Variants in ASTN2 observed in about 807,000 individuals in gnomAD.
ASTN2 encodes astrotactin-2.
A neutral mutation model predicts 139.8 loss-of-function variants in ASTN2; 54 were observed. That is an observed-to-expected ratio of 0.39 (90% CI 0.31 to 0.48). ASTN2 has a LOEUF of 0.48. Ranked by LOEUF, ASTN2 falls within the 20% of genes least tolerant of loss-of-function variation. The pLI is 0.95. For synonymous variants in ASTN2, 756 were observed against 719.5 expected (o/e 1.05, Z -0.81); for missense variants, 1,565 against 1,725.1 (o/e 0.91, Z 1.64).
rs573856975 is a variant in ASTN2 at position 117,168,395 on chromosome 9, T to C, written c.1016-26917A>G. On this transcript the variant is annotated intron_variant, in intron 3 of 22. Transcript: ENST00000313400. ...ATGACCTACGGTCACACACCTTTGA[T>C]GAAGTATGAGAGTTTTTAACTTACA... Among the ~76,000 whole-genome samples the C allele has an allele frequency of 2.0e-5, 3 of 152,204 alleles. No homozygotes were observed. The East Asian group carries it at 5.8e-4, about 30-fold the overall frequency.
chr9:117,287,057 T>C (rs1834467460), intron 2 of ASTN2, among the ~76,000 whole-genome samples: 1 of 152,136 alleles, frequency 6.6e-6, no homozygotes, highest in Admixed American at 6.5e-5. Context: ...CAACATTACT[T>C]ATCATATAGA....
intron 19 of ASTN2, among the ~76,000 whole-genome samples, chr9:116,589,046 G>A (rs1004885728): frequency 4.6e-5 from 7 of 152,102 alleles, no homozygotes; most frequent in Non-Finnish European, 7.4e-5. Flanking sequence ...TAGCAAATAC[G>A]TATTCAGTGT....
chr9:116,474,550 A>G (rs1848917731), intron 20 of ASTN2, among the ~76,000 whole-genome samples: 1 of 152,164 alleles, frequency 6.6e-6, no homozygotes, highest in South Asian at 2.1e-4. Context: ...CTTTCCAGTG[A>G]TGACTCAAGA....
intron 12 of ASTN2, among the ~76,000 whole-genome samples, chr9:116,813,510 C>A (rs1027126538): frequency 5.9e-5 from 9 of 152,272 alleles, no homozygotes; most frequent in Admixed American, 3.9e-4. Flanking sequence ...GTGCTCCTTC[C>A]AGTTAATTAC....
At chr9:116,539,690 G>C (rs1254747651) in intron 19 of ASTN2, among the ~76,000 whole-genome samples, 3 of 152,122 alleles carry the variant, frequency 2.0e-5, no homozygotes, top group Non-Finnish European at 4.4e-5. Flanking sequence ...GTGACTAACG[G>C]GTGTATACGC....
intron 1 of ASTN2, among the ~76,000 whole-genome samples, chr9:117,398,360 T>C (rs955918501): frequency 4.0e-4 from 61 of 152,308 alleles, no homozygotes; most frequent in African/African-American, 1.5e-3. Flanking sequence ...CATAGTGCCA[T>C]CCTTCTAAAA....
intron 19 of ASTN2, among the ~76,000 whole-genome samples, chr9:116,576,394 A>G (rs1853723288): frequency 6.6e-6 from 1 of 152,184 alleles, no homozygotes; most frequent in African/African-American, 2.4e-5. Context: ...AGTAGCTGGA[A>G]TTCAAACTCA....
chr9:116,528,995 A>G (rs2119274979), intron 19 of ASTN2, among the ~76,000 whole-genome samples: 1 of 152,304 alleles, frequency 6.6e-6, no homozygotes, highest in Admixed American at 6.5e-5. Context: ...AACCTCTACT[A>G]AGGCAATGCA....
At position 116,863,742 on chromosome 9, in the gene ASTN2, G is replaced by A. The variant is rs970400011; in HGVS notation, c.1890-9C>T. The A allele has an allele frequency of 5.6e-6, 9 of 1,606,558 alleles. No homozygotes were observed. The highest frequency in any genetic ancestry group is 3.3e-4 in the Middle Eastern group (2 of 6,020). Reference sequence around the variant, plus strand: ...ACAGCATCGCTTCTTCCCTTGGAGAGAAAGGGGATGGTTAAACCCCAGAGA... The same window carrying A: ...ACAGCATCGCTTCTTCCCTTGGAGAAAAAGGGGATGGTTAAACCCCAGAGA... On this transcript the variant is annotated splice_polypyrimidine_tract_variant and intron_variant, in intron 10 of 22. Coordinates refer to ENST00000313400, the MANE Select transcript of ASTN2 (RefSeq NM_001365068.1).
In ASTN2 at chr9:116,991,585, T is replaced by C. The variant is rs1461607459; in HGVS notation, c.1592-14800A>G. Among the ~76,000 whole-genome samples the C allele has an allele frequency of 1.7e-4, 15 of 88,956 alleles. No individual in the cohort carries two copies. The South Asian group carries it at 8.3e-3, about 49-fold the overall frequency. The allele number at this position is 88,956 out of a possible 152,430, so 58.4% of individuals were successfully genotyped here. A position where few individuals can be genotyped will look rare whatever the true frequency, so the allele number is the denominator to read the frequency against. On this transcript the variant is annotated intron_variant, in intron 7 of 22. Coordinates refer to ENST00000313400, the MANE Select transcript of ASTN2 (RefSeq NM_001365068.1). ...CAAAGGTGAATACTTCTCCCTCTTA[T>C]TAAAAAAAAAAAAAAAAGCAGAAAA...
In ASTN2 at chr9:116,597,299, A is replaced by ATTTTTGTTTTTTTTTTTTTTTT. The variant is rs1554718677; in HGVS notation, c.3355+21024_3355+21025insAAAAAAAAAAAAAAAACAAAAA. Among the ~76,000 whole-genome samples the ATTTTTGTTTTTTTTTTTTTTTT allele has an allele frequency of 1.8e-3, 134 of 75,518 alleles. 22 individuals are homozygous for ATTTTTGTTTTTTTTTTTTTTTT. The highest frequency in any genetic ancestry group is 3.9e-3 in the East Asian group (8 of 2,052). 49.5% of individuals were successfully genotyped at this position (75,518 alleles called of 152,430 possible). ...CAAAATATTCCATGACTTTTGATCTATTTTTTTTTTTTTTTTTTTTTTTTG... is the reference window on the plus strand; with the variant it reads ...CAAAATATTCCATGACTTTTGATCTATTTTTGTTTTTTTTTTTTTTTTTTTTTTTTTTTTTTTTTTTTTTTTG... On this transcript the variant is annotated intron_variant, in intron 19 of 22. Transcript: ENST00000313400.
At chr9:116,730,588 G>C (rs1828750609) in intron 14 of ASTN2, among the ~76,000 whole-genome samples, 1 of 152,124 alleles carries the variant, frequency 6.6e-6, no homozygotes, top group Non-Finnish European at 1.5e-5. Context: ...TTGACTAAGG[G>C]CAGAGAAAAT....
chr9:117,100,933 CT>C (rs1158357957), intron 4 of ASTN2, among the ~76,000 whole-genome samples: 3 of 152,160 alleles, frequency 2.0e-5, no homozygotes, highest in African/African-American at 7.2e-5. Flanking sequence ...AGTTCTAGTT[CT>C]TTGATTCACT....
intron 3 of ASTN2, among the ~76,000 whole-genome samples, chr9:117,204,528 G>A (rs1444324652): frequency 6.8e-6 from 1 of 147,626 alleles, no homozygotes; most frequent in South Asian, 2.1e-4. Flanking sequence ...CAGACAGAAA[G>A]AGAAACTGAT....
At chr9:117,062,424 A>G (rs1215425181) in intron 5 of ASTN2, among the ~76,000 whole-genome samples, 4 of 152,314 alleles carry the variant, frequency 2.6e-5, no homozygotes, top group African/African-American at 9.6e-5. Context: ...AGAATTCCCT[A>G]TGAGACATGT....
At chr9:117,048,168 A>C (rs1045000482) in intron 5 of ASTN2, among the ~76,000 whole-genome samples, 1 of 152,094 alleles carries the variant, frequency 6.6e-6, no homozygotes, top group African/African-American at 2.4e-5. Flanking sequence ...AGAAGCAACA[A>C]ATTTAACTGC....
At chr9:117,376,803 C>T (rs1466059336) in intron 1 of ASTN2, among the ~76,000 whole-genome samples, 2 of 152,200 alleles carry the variant, frequency 1.3e-5, no homozygotes, top group African/African-American at 4.8e-5. Context: ...GCATCTAGCA[C>T]ATCATAGGAG....
intron 4 of ASTN2, among the ~76,000 whole-genome samples, chr9:117,103,902 TA>T (rs1381600288): frequency 6.6e-6 from 1 of 152,312 alleles, no homozygotes; most frequent in African/African-American, 2.4e-5. Context: ...GCTCTAGAGC[TA>T]AACCACAAAT....
chr9:117,146,141 C>T (rs114253512), intron 3 of ASTN2, among the ~76,000 whole-genome samples: 99 of 152,200 alleles, frequency 6.5e-4, no homozygotes, highest in African/African-American at 2.3e-3. Context: ...TGATCCCTCC[C>T]GACCCCATTC....
Sources: allele counts gnomAD v4.1 joint callset (sites outside exome capture counted in the v4.1 genomes callset), GRCh38; gene constraint gnomAD v4.1.1; transcripts MANE v1.5; gene names NCBI Gene and HGNC (gene_info 2026-07-23, HGNC 2026-07-21).